The following PCDH15 variants were observed in gnomAD, a reference collection of about 807,000 sequenced individuals.
PCDH15 encodes protocadherin related 15.
In PCDH15, 129 loss-of-function variants were observed where a neutral mutation model predicts 178.5. That is an observed-to-expected ratio of 0.72 (90% CI 0.63 to 0.84). The LOEUF (loss-of-function observed/expected upper bound fraction) is 0.84. Ranked by LOEUF, PCDH15 falls within the 40% of genes least tolerant of loss-of-function variation. The pLI is 0.00. For missense variants in PCDH15, 2,230 were observed against 2,099.9 expected (o/e 1.06, Z -1.21); for synonymous variants, 800 against 732.0 (o/e 1.09, Z -1.50).
intron 1 of PCDH15, among the ~76,000 whole-genome samples, chr10:55,304,344 C>G (rs923204106): frequency 6.6e-6 from 1 of 152,008 alleles, no homozygotes; most frequent in Non-Finnish European, 1.5e-5. Flanking sequence ...ATTTAGGATA[C>G]GTGAGAAAAA....
intron 13 of PCDH15, among the ~76,000 whole-genome samples, chr10:54,171,033 GT>G (rs776027225): frequency 2.0e-5 from 3 of 152,044 alleles, no homozygotes; most frequent in Non-Finnish European, 2.9e-5. Flanking sequence ...CTTAGTCTAG[GT>G]AGATACTTTC....
At chr10:54,713,560 G>A (rs2095447024) in intron 1 of PCDH15, among the ~76,000 whole-genome samples, 1 of 152,024 alleles carries the variant, frequency 6.6e-6, no homozygotes, top group African/African-American at 2.4e-5. Flanking sequence ...GTATTCCACA[G>A]ATCATGGAAG....
intron 1 of PCDH15, among the ~76,000 whole-genome samples, chr10:54,690,620 T>C (rs2095103731): frequency 6.6e-6 from 1 of 152,110 alleles, no homozygotes; most frequent in African/African-American, 2.4e-5. Flanking sequence ...GCCACAAGAC[T>C]ATATTTTTTA....
chr10:54,732,029 T>C (rs915154171), intron 1 of PCDH15, among the ~76,000 whole-genome samples: 1 of 151,240 alleles, frequency 6.6e-6, no homozygotes. Context: ...TATATACATA[T>C]ATGACATTAT....
At chr10:54,119,760 T>C (rs1209140651) in intron 15 of PCDH15, among the ~76,000 whole-genome samples, 2 of 152,054 alleles carry the variant, frequency 1.3e-5, no homozygotes, top group Non-Finnish European at 2.9e-5. Flanking sequence ...AAATAGCGAA[T>C]TTCATTGTTT....
At chr10:54,026,421 G>A (rs1046369707) in intron 18 of PCDH15, among the ~76,000 whole-genome samples, 1 of 152,090 alleles carries the variant, frequency 6.6e-6, no homozygotes, top group African/African-American at 2.4e-5. Context: ...TAAGCAGACT[G>A]ACAGTAAATG....
chr10:55,140,115 G>T (rs1838306533), intron 2 of PCDH15, among the ~76,000 whole-genome samples: 2 of 151,688 alleles, frequency 1.3e-5, no homozygotes, highest in Admixed American at 6.6e-5. Context: ...TGTTTATTTG[G>T]TCTCCTGTGA....
upstream of PCDH15, among the ~76,000 whole-genome samples, chr10:54,803,409 T>C (rs575898496): frequency 5.3e-5 from 8 of 152,310 alleles, no homozygotes; most frequent in East Asian, 1.5e-3. Context: ...TTTACCACCC[T>C]TAATCAAGGT....
intron 2 of PCDH15, among the ~76,000 whole-genome samples, chr10:55,064,171 C>T (rs1217445916): frequency 6.6e-6 from 1 of 152,050 alleles, no homozygotes; most frequent in Non-Finnish European, 1.5e-5. Context: ...AGCAAGTGTT[C>T]TATTAGAGAT....
rs778824532 is a variant in PCDH15 at position 54,371,366 on chromosome 10, GATA to G, written c.319-2094_319-2092del. The stretch of plus-strand genomic sequence containing the variant: ...TACTGTACATTAATTAATAATATCA[GATA>G]ATAATATATAGGTAGATTATAACAG... On this transcript the variant is annotated intron_variant, in intron 4 of 37. Transcript: ENST00000644397. Among the ~76,000 whole-genome samples, 116 of 151,678 alleles carry G rather than the reference GATA, an allele frequency of 7.6e-4. 2 individuals are homozygous for G. The highest frequency in any genetic ancestry group is 1.5e-3 in the Non-Finnish European group (102 of 67,824).
chr10:55,410,989 G>C (rs1838317621), intron 2 of PCDH15, among the ~76,000 whole-genome samples: 3 of 152,162 alleles, frequency 2.0e-5, no homozygotes, highest in Admixed American at 2.0e-4. Flanking sequence ...ACTGAATAGA[G>C]TGAATACTTA....
intron 2 of PCDH15, among the ~76,000 whole-genome samples, chr10:54,976,235 T>C (rs754816454): frequency 3.9e-5 from 6 of 152,084 alleles, no homozygotes; most frequent in Non-Finnish European, 7.3e-5. Flanking sequence ...TCAGATATAG[T>C]CTTAAAATCA....
intron 2 of PCDH15, among the ~76,000 whole-genome samples, chr10:55,581,386 A>G (rs888563698): frequency 3.3e-5 from 5 of 150,358 alleles, no homozygotes; most frequent in African/African-American, 1.2e-4. Context: ...TTTAATTTTC[A>G]TTGAAACATT....
At chr10:55,116,429 C>T (rs141953014) in intron 2 of PCDH15, among the ~76,000 whole-genome samples, 97 of 152,096 alleles carry the variant, frequency 6.4e-4, no homozygotes, top group African/African-American at 2.2e-3. Flanking sequence ...AAATTTTTCT[C>T]TTCTCCTCTC....
intron 3 of PCDH15, among the ~76,000 whole-genome samples, chr10:54,483,942 G>C (rs1053545525): frequency 2.0e-5 from 3 of 151,856 alleles, no homozygotes; most frequent in South Asian, 2.1e-4. Context: ...CCAAACTTGA[G>C]TTTGACACAT....
chr10:55,262,893 C>CT (rs2132237022), intron 1 of PCDH15, among the ~76,000 whole-genome samples: 1 of 152,300 alleles, frequency 6.6e-6, no homozygotes, highest in East Asian at 1.9e-4. Flanking sequence ...AGAGCACACT[C>CT]TAACACACGC....
In PCDH15 at chr10:54,615,093, G is replaced by A. The variant is rs1036950381; in HGVS notation, c.91+49079C>T. Among the ~76,000 whole-genome samples the A allele has an allele frequency of 2.0e-5, 3 of 151,848 alleles. No homozygotes were observed. The Admixed American group carries it at 2.0e-4, about 10-fold the overall frequency. ...GTTCATCATACTTTCTAAAGTTAAGGGATAAAGTACGCTGAAAGGTAGCTA... is the reference window on the plus strand; with the variant it reads ...GTTCATCATACTTTCTAAAGTTAAGAGATAAAGTACGCTGAAAGGTAGCTA... On this transcript the variant is annotated intron_variant, in intron 2 of 37. Coordinates refer to ENST00000644397, the MANE Select transcript of PCDH15 (RefSeq NM_001384140.1).
At chr10:55,192,780 CAT>C (rs1839978596) in intron 1 of PCDH15, among the ~76,000 whole-genome samples, 1 of 151,190 alleles carries the variant, frequency 6.6e-6, no homozygotes, top group African/African-American at 2.4e-5. Context: ...CACAAAGACA[CAT>C]AGACATATGT....
intron 3 of PCDH15, among the ~76,000 whole-genome samples, chr10:54,447,836 AT>A (rs1181047968): frequency 6.6e-6 from 1 of 151,746 alleles, no homozygotes; most frequent in Non-Finnish European, 1.5e-5. Context: ...TTTCACATGT[AT>A]TTCTGTATGA....
Sources: allele counts gnomAD v4.1 joint callset (sites outside exome capture counted in the v4.1 genomes callset), GRCh38; gene constraint gnomAD v4.1.1; transcripts MANE v1.5; gene names NCBI Gene and HGNC (gene_info 2026-07-23, HGNC 2026-07-21).